PSME4: variants seen among roughly 807,000 people sequenced by gnomAD.
PSME4 encodes proteasome activator subunit 4.
Under a neutral mutation model 253.9 loss-of-function variants are expected in PSME4, and 89 were observed. The ratio of observed to expected loss-of-function variants is 0.35; its 90% CI spans 0.30 to 0.42. PSME4 has a LOEUF of 0.42. Ranked by LOEUF, PSME4 falls within the 10% of genes least tolerant of loss-of-function variation. The probability of loss-of-function intolerance (pLI) is 1.00; values close to 1 mark genes in which losing one functional copy is unlikely to be tolerated. For missense variants in PSME4, 2,014 were observed against 2,195.2 expected (o/e 0.92, Z 1.65); for synonymous variants, 851 against 759.2 (o/e 1.12, Z -1.99).
At chr2:53,905,423 G>A (rs373300743) in intron 26 of PSME4, among the ~76,000 whole-genome samples, 6 of 152,210 alleles carry the variant, frequency 3.9e-5, no homozygotes, top group East Asian at 3.9e-4. Context: ...TCAGGTAGCC[G>A]GGCATGGTGG....
At chr2:53,924,668 C>A (rs1668475782) in intron 14 of PSME4, among the ~76,000 whole-genome samples, 3 of 152,036 alleles carry the variant, frequency 2.0e-5, no homozygotes, top group Admixed American at 6.5e-5. Context: ...TACATGTGCA[C>A]AACATGCAGG....
chr2:53,898,229 C>A (rs1680230935), intron 30 of PSME4, 72 bp downstream of exon 30: 2 of 1,381,990 alleles, frequency 1.4e-6, no homozygotes, highest in African/African-American at 1.5e-5. Flanking sequence ...TCATTCATAG[C>A]CTTCCATGTA....
intron 3 of PSME4, among the ~76,000 whole-genome samples, chr2:53,940,717 C>T (rs551272938): frequency 6.7e-6 from 1 of 150,028 alleles, no homozygotes; most frequent in Non-Finnish European, 1.5e-5. Context: ...CATAGTCAAG[C>T]GGTCAAATGC....
chr2:53,950,579 C>T (rs1389361248), intron 1 of PSME4, among the ~76,000 whole-genome samples: 12 of 151,954 alleles, frequency 7.9e-5, no homozygotes, highest in Admixed American at 7.2e-4. Context: ...CAGTGGCTCA[C>T]GCCTATAATC....
intron 24 of PSME4, 110 bp from the exon 25 acceptor site, chr2:53,906,978 T>A: frequency 2.3e-6 from 2 of 860,670 alleles, no homozygotes; most frequent in Non-Finnish European, 3.7e-6. Flanking sequence ...GGTTGACTGG[T>A]GAGTGGTGGT....
chr2:53,928,370 A>T, intron 10 of PSME4, 67 bp from the exon 11 acceptor site: 1 of 1,228,860 alleles, frequency 8.1e-7, no homozygotes, highest in Non-Finnish European at 1.1e-6. Context: ...AATACATTAA[A>T]TATAATAAAT....
chr2:53,878,898 CCTTGGGAAGTACGCGAT>C (rs1398736545), intron 41 of PSME4, among the ~76,000 whole-genome samples: 8 of 152,118 alleles, frequency 5.3e-5, no homozygotes, highest in African/African-American at 1.9e-4. Context: ...TATTTTATTA[CCTTGGGAAGTACGCGAT>C]CTCTGTGACC....
intron 3 of PSME4, among the ~76,000 whole-genome samples, chr2:53,945,631 C>T (rs573341414): frequency 4.6e-5 from 7 of 152,284 alleles, no homozygotes; most frequent in African/African-American, 1.7e-4. Context: ...CTTTTAAAAT[C>T]ATGTTGAAAC....
chr2:53,870,600 T>C (rs890317124), intron 43 of PSME4: 1 of 151,690 alleles, frequency 6.6e-6, no homozygotes, highest in South Asian at 2.1e-4. Flanking sequence ...ATGGTCTTGA[T>C]CTTCTGACCT....
At chr2:53,878,946 C>A (rs1330210852) in intron 41 of PSME4, among the ~76,000 whole-genome samples, 1 of 152,174 alleles carries the variant, frequency 6.6e-6, no homozygotes, top group African/African-American at 2.4e-5. Context: ...TCATATACTG[C>A]CTCCCCTTTT....
intron 7 of PSME4, 40 bp from the exon 8 acceptor site, chr2:53,934,767 T>C (rs375743736): frequency 3.4e-6 from 5 of 1,459,664 alleles, no homozygotes; most frequent in Middle Eastern, 1.8e-4. Context: ...TTTACAGGTA[T>C]CAAAATAATT....
At chr2:53,951,136 G>A (rs1399832574) in intron 1 of PSME4, among the ~76,000 whole-genome samples, 4 of 152,114 alleles carry the variant, frequency 2.6e-5, no homozygotes, top group Admixed American at 6.6e-5. Context: ...AGGCTGGAGT[G>A]CAGTGGCCTG....
chr2:53,927,178 G>C (rs962278327), intron 12 of PSME4, among the ~76,000 whole-genome samples: 2 of 152,162 alleles, frequency 1.3e-5, no homozygotes, highest in Non-Finnish European at 2.9e-5. Context: ...CCAGATGTCA[G>C]ATGTTTATAG....
chr2:53,895,580 T>C lies in PSME4; in HGVS notation c.3842+3A>G. On this transcript the variant is annotated splice_donor_region_variant and intron_variant, in intron 33 of 46. Transcript: ENST00000404125. Reference sequence around the variant, plus strand: ...ATGATAAGGTGCACAGTAAGTTACTTACTTTGGCCAGGTGTAGTATCCCCA... The same window carrying C: ...ATGATAAGGTGCACAGTAAGTTACTCACTTTGGCCAGGTGTAGTATCCCCA... 2 of 1,605,890 alleles carry C rather than the reference T, an allele frequency of 1.2e-6. No homozygotes were observed. The highest frequency in any genetic ancestry group is 1.7e-6 in the Non-Finnish European group (2 of 1,177,140).
intron 3 of PSME4, among the ~76,000 whole-genome samples, chr2:53,941,078 C>T (rs1455593505): frequency 7.2e-6 from 1 of 138,072 alleles, no homozygotes. Context: ...GTCCAGAAGT[C>T]TATCCAACTT....
At position 53,934,639 on chromosome 2, in the gene PSME4, A is replaced by G. The variant is rs1210114600; in HGVS notation, c.923T>C (p.Ile308Thr). Residue 308 changes from isoleucine (I) to threonine (T), a missense_variant, in exon 8 of 47, where the codon ATA becomes ACA. Physicochemically the swap from Ile to Thr is moderately conservative, Grantham distance 89 (BLOSUM62 -1). Around this residue, in one of 4 missense-constraint regions of PSME4, gnomAD observed 615 missense variants for 594.4 expected, o/e 1.03. Transcript: ENST00000404125. ...VPRFLTNAYD[I>T]GHAVIWITAM... ...GGTGATCCATATTACAGCATGTCCT[A>G]TATCATAAGCATTTGTTAAAAATCT... The G allele has an allele frequency of 2.5e-6, 4 of 1,612,852 alleles. No individual in the cohort carries two copies. The African/African-American group carries it at 4.0e-5, about 16-fold the overall frequency.
intron 20 of PSME4, 113 bp from the exon 21 acceptor site, chr2:53,910,243 C>A: frequency 1.2e-6 from 1 of 828,834 alleles, no homozygotes; most frequent in Non-Finnish European, 2.0e-6. Context: ...GTTCTTTTAA[C>A]AGACACAGAT....
rs373725884 is a variant in PSME4 at position 53,921,112 on chromosome 2, G to A, written c.2047-8C>T. 95 of 1,611,234 alleles carry A rather than the reference G, an allele frequency of 5.9e-5. No individual in the cohort carries two copies. The African/African-American group carries it at 9.5e-4, about 16-fold the overall frequency. On this transcript the variant is annotated splice_region_variant and splice_polypyrimidine_tract_variant and intron_variant, in intron 17 of 46. Coordinates refer to ENST00000404125, the MANE Select transcript of PSME4 (RefSeq NM_014614.3). ...TCCATCCACTCGAGTAATCTAAAAG[G>A]AGGGAAAAAATAGTTGAAGATATTT...
intron 20 of PSME4, among the ~76,000 whole-genome samples, chr2:53,916,140 A>G (rs1032577759): frequency 6.6e-6 from 1 of 150,742 alleles, no homozygotes; most frequent in Middle Eastern, 3.2e-3. Context: ...CCAGCTACTC[A>G]GGAGGCTGAG....
Sources: allele counts gnomAD v4.1 joint callset (sites outside exome capture counted in the v4.1 genomes callset), GRCh38; gene constraint gnomAD v4.1.1; regional missense constraint gnomAD v4.1.1; transcripts MANE v1.5; gene names NCBI Gene and HGNC (gene_info 2026-07-23, HGNC 2026-07-21).